Variants in HECTD4 observed in about 807,000 individuals in gnomAD.
HECTD4 encodes the protein probable E3 ubiquitin-protein ligase HECTD4.
A neutral mutation model predicts 471.5 loss-of-function variants in HECTD4; 114 were observed. The ratio of observed to expected loss-of-function variants is 0.24; its 90% CI spans 0.21 to 0.28. The LOEUF (loss-of-function observed/expected upper bound fraction) is 0.28. Ranked by LOEUF, HECTD4 falls within the 10% of genes least tolerant of loss-of-function variation. The pLI is 1.00. For synonymous variants in HECTD4, 2,012 were observed against 2,256.0 expected (o/e 0.89, Z 3.07); for missense variants, 3,866 against 5,651.5 (o/e 0.68, Z 10.13).
chr12:112,381,816 G>T lies in HECTD4; in HGVS notation c.177+136C>A, dbSNP rs1486942619. On this transcript the variant is annotated intron_variant, in intron 1 of 75. Coordinates refer to ENST00000682272, the MANE Select transcript of HECTD4 (RefSeq NM_001388303.1). This position sits in a 1 kb window ranked among gnomAD's most constrained non-coding sequence, Gnocchi z 4.1. Reference sequence around the variant, plus strand: ...CCTGCGGCCGCGGCCCCACCTGCCCGCCCCGCGCCCACACACACCTGCCCC... The same window carrying T: ...CCTGCGGCCGCGGCCCCACCTGCCCTCCCCGCGCCCACACACACCTGCCCC... The T allele has an allele frequency of 2.0e-6, 1 of 495,758 alleles. No homozygotes were observed. The highest frequency in any genetic ancestry group is 3.0e-6 in the Non-Finnish European group (1 of 328,516). 30.7% of individuals were successfully genotyped at this position (495,758 alleles called of 1,614,324 possible). A position where few individuals can be genotyped will look rare whatever the true frequency, so the allele number is the denominator to read the frequency against.
intron 1 of HECTD4, among the ~76,000 whole-genome samples, chr12:112,371,104 C>T (rs141646976): frequency 6.6e-6 from 1 of 152,128 alleles, no homozygotes; most frequent in Non-Finnish European, 1.5e-5. Flanking sequence ...TGACCACCCA[C>T]CCAGCAGCTC....
chr12:112,310,827 C>A (rs1325386587), intron 4 of HECTD4, among the ~76,000 whole-genome samples: 1 of 152,174 alleles, frequency 6.6e-6, no homozygotes, highest in Non-Finnish European at 1.5e-5. Flanking sequence ...GGGTATGGCT[C>A]TGTCGAGGGG....
rs561519289 is a variant in HECTD4, at chr12:112,377,762, T to C, written c.177+4190A>G. Among the ~76,000 whole-genome samples, 11 of 152,172 alleles carry C rather than the reference T, an allele frequency of 7.2e-5. No individual in the cohort carries two copies. The South Asian group carries it at 8.3e-4, about 11-fold the overall frequency. ...GCACATGCCTGTAATCCCAGCTAACTGGAAGGCTGAGGTAGAAGAATTGCT... is the reference window on the plus strand; with the variant it reads ...GCACATGCCTGTAATCCCAGCTAACCGGAAGGCTGAGGTAGAAGAATTGCT... On this transcript the variant is annotated intron_variant, in intron 1 of 75. Transcript: ENST00000682272.
At position 112,176,529 on chromosome 12, in the gene HECTD4, G is replaced by C. The variant is rs1319024708; in HGVS notation, c.11470+67C>G. ...CAGGAAAAGCAGAGGCCTGCTCCTC[G>C]GGGGGTGCCTAGTCTCCAGGATGGA... is the stretch of plus-strand genomic sequence containing the variant. On this transcript the variant is annotated intron_variant, in intron 65 of 75. Coordinates refer to ENST00000682272, the MANE Select transcript of HECTD4 (RefSeq NM_001388303.1). 4 of 1,110,916 alleles carry C rather than the reference G, an allele frequency of 3.6e-6. No individual in the cohort carries two copies. In the African/African-American group the frequency reaches 6.1e-5, roughly 17 times the overall value. 68.8% of individuals were successfully genotyped at this position (1,110,916 alleles called of 1,614,324 possible).
intron 12 of HECTD4, 52 bp downstream of exon 12, chr12:112,270,175 T>C: frequency 6.6e-7 from 1 of 1,512,112 alleles, no homozygotes; most frequent in Non-Finnish European, 9.1e-7. Flanking sequence ...GAAGCCAAGG[T>C]TTGCGTTTCC....
At chr12:112,313,223 A>G (rs1773487197) in intron 3 of HECTD4, 76 bp from the exon 4 acceptor site, 1 of 1,301,124 alleles carries the variant, frequency 7.7e-7, no homozygotes, top group African/African-American at 1.5e-5. Flanking sequence ...GCTACCCCAA[A>G]GAGTAGAAAC....
chr12:112,192,564 T>C lies in HECTD4; in HGVS notation c.9288A>G (p.Lys3096=). ...VVLSTDRVHI[K]LGVSPPPGAV... ...GACAAGCTGCTGGAGACTCACCCAG[T>C]TTGATGTGGACCCTGTCTGTGGAGA... Residue 3096 remains lysine (K), a synonymous_variant, in exon 59 of 76, where the codon AAA becomes AAG. Transcript: ENST00000682272. 6.4e-7 allele frequency: 1 copy of C among 1,561,782 alleles called. No individual in the cohort carries two copies. Among genetic ancestry groups the C allele is most frequent in the Non-Finnish European group, 8.7e-7 (1 of 1,150,608 alleles).
chr12:112,265,969 C>T lies in HECTD4; in HGVS notation c.2407G>A (p.Gly803Arg). ...LVLTEGERNS[G>R]LSQLRDVILT... ...ATCACATCCCGTAGCTGGGAGAGTCCACTGTTTCTCTCTCCTAACACAGAA... is the reference window on the plus strand; with the variant it reads ...ATCACATCCCGTAGCTGGGAGAGTCTACTGTTTCTCTCTCCTAACACAGAA... Residue 803 changes from glycine (G) to arginine (R), a missense_variant, in exon 15 of 76, where the codon GGA becomes AGA. Gly to Arg is a moderately radical substitution (Grantham distance 125). Transcript: ENST00000682272. The T allele has an allele frequency of 6.2e-7, 1 of 1,613,000 alleles. No homozygotes were observed. Among genetic ancestry groups the T allele is most frequent in the South Asian group, 1.1e-5 (1 of 91,042 alleles).
chr12:112,204,644 G>A (rs1441949395), intron 52 of HECTD4, 21 bp from the exon 53 acceptor site: 1 of 1,600,780 alleles, frequency 6.2e-7, no homozygotes, highest in Non-Finnish European at 8.5e-7. Context: ...TAACAGCACA[G>A]GGTAACTCCC....
chr12:112,333,743 T>C (rs1372023878), intron 1 of HECTD4, among the ~76,000 whole-genome samples: 1 of 152,162 alleles, frequency 6.6e-6, no homozygotes, highest in Non-Finnish European at 1.5e-5. Flanking sequence ...AATGTTTAAG[T>C]CCACAAGTTC....
intron 1 of HECTD4, among the ~76,000 whole-genome samples, chr12:112,337,308 G>C (rs547240572): frequency 1.3e-5 from 2 of 152,216 alleles, no homozygotes; most frequent in Non-Finnish European, 2.9e-5. Flanking sequence ...ATCATCAAAT[G>C]ATATACTTGA....
chr12:112,169,559 C>T lies in HECTD4; in HGVS notation c.12152G>A (p.Gly4051Asp). ...GATGTTGAAGGCATATGTGGGGTCACCGCCACTGGCCAGCTTGACGCAGAG... is the reference window on the plus strand; with the variant it reads ...GATGTTGAAGGCATATGTGGGGTCATCGCCACTGGCCAGCTTGACGCAGAG... ...SQLCVKLASGGDPTYAFNIRF... is the reference protein window; with the variant it reads ...SQLCVKLASGDDPTYAFNIRF... The change falls in exon 70 of 76, where the codon GGT becomes GAT. Residue 4051 changes from glycine (G) to aspartate (D), a missense_variant. By Grantham distance (94) the Gly-to-Asp change is moderately conservative (BLOSUM62 -1). This residue lies in a region of HECTD4 where 715 missense variants were observed against 1,087.6 expected (regional missense o/e 0.66). Coordinates refer to ENST00000682272, the MANE Select transcript of HECTD4 (RefSeq NM_001388303.1). The T allele has an allele frequency of 6.2e-7, 1 of 1,613,572 alleles. No individual in the cohort carries two copies. Among genetic ancestry groups the T allele is most frequent in the South Asian group, 1.1e-5 (1 of 91,080 alleles).
rs566274539 is a variant in HECTD4 at position 112,241,695 on chromosome 12, AG to A, written c.4958+1657del. Among the ~76,000 whole-genome samples the A allele has an allele frequency of 1.4e-3, 220 of 152,240 alleles. 2 individuals carry two copies. Among genetic ancestry groups the A allele is most frequent in the African/African-American group, 5.2e-3 (214 of 41,550 alleles). On this transcript the variant is annotated intron_variant, in intron 32 of 75. Coordinates refer to ENST00000682272, the MANE Select transcript of HECTD4 (RefSeq NM_001388303.1). ...GGCTGGTCTTGAACTCCTAGCCTCA[AG>A]TGATCCTCCTGCTTTGGCCTCCTTA...
Position 112,362,921 on chromosome 12 carries a change from C to T in HECTD4, c.177+19031G>A, listed in dbSNP as rs572927818. On this transcript the variant is annotated intron_variant, in intron 1 of 75. Transcript: ENST00000682272. ...TCCACCATGTTTGCCAGGCTGGTCTCGAATTCCCGACCTCATGTGGTCCAA... is the reference window on the plus strand; with the variant it reads ...TCCACCATGTTTGCCAGGCTGGTCTTGAATTCCCGACCTCATGTGGTCCAA... Among the ~76,000 whole-genome samples the T allele has an allele frequency of 6.6e-5, 10 of 152,198 alleles. No homozygotes were observed. In the South Asian group the frequency reaches 1.9e-3, roughly 28 times the overall value.
At chr12:112,357,762 A>G (rs1033361450) in intron 1 of HECTD4, among the ~76,000 whole-genome samples, 1 of 152,216 alleles carries the variant, frequency 6.6e-6, no homozygotes, top group Non-Finnish European at 1.5e-5. Flanking sequence ...TTTATTATAC[A>G]GTATTAGTTT....
chr12:112,364,835 T>TA (rs748995580), intron 1 of HECTD4, among the ~76,000 whole-genome samples: 1 of 152,274 alleles, frequency 6.6e-6, no homozygotes, highest in Non-Finnish European at 1.5e-5. Flanking sequence ...TACCTATTCT[T>TA]ATTTTATTCT....
chr12:112,254,273 G>T, intron 21 of HECTD4, 111 bp from the exon 22 acceptor site: 1 of 1,322,076 alleles, frequency 7.6e-7, no homozygotes, highest in Non-Finnish European at 1.0e-6. Flanking sequence ...ACCAGGCATT[G>T]GTGTCATTAT....
At position 112,239,213 on chromosome 12, in the gene HECTD4, C is replaced by A. The variant is rs777490634; in HGVS notation, c.5129G>T (p.Arg1710Leu). The change falls in exon 34 of 76, where the codon CGC (arginine) becomes CTC (leucine). Residue 1710 changes from arginine to leucine, a missense_variant. Coordinates refer to ENST00000682272, the MANE Select transcript of HECTD4 (RefSeq NM_001388303.1). This position sits in a 1 kb window ranked among gnomAD's most constrained non-coding sequence, Gnocchi z 4.9. ...YTRSEEKCLV[R>L]SGLVQLMDRL... The stretch of plus-strand genomic sequence containing the variant: ...ATCCATGAGCTGCACAAGGCCACTG[C>A]GTACCAGGCACTTCTCTTCGCTCCT... The A allele has an allele frequency of 1.2e-6, 2 of 1,612,100 alleles. No individual in the cohort carries two copies. The highest frequency in any genetic ancestry group is 1.7e-6 in the Non-Finnish European group (2 of 1,179,092).
chr12:112,184,445 G>A lies in HECTD4; in HGVS notation c.10521C>T (p.Leu3507=). The change falls in exon 61 of 76, where the codon CTC becomes CTT. Residue 3507 remains leucine, a synonymous_variant. Transcript: ENST00000682272. The surrounding 1 kb of genome is among the most constrained non-coding windows in gnomAD (Gnocchi z 9.1). The part of the protein sequence containing the change: ...SQGISQTVSD[L]SVDPLPAGLE... Reference sequence around the variant, plus strand: ...GGCCGGCAGGCAGCGGATCCACAGAGAGGTCGCTGACGGTTTGGGAGATGC... The same window carrying A: ...GGCCGGCAGGCAGCGGATCCACAGAAAGGTCGCTGACGGTTTGGGAGATGC... 1 of 1,606,140 alleles carries A rather than the reference G, an allele frequency of 6.2e-7. No individual in the cohort carries two copies. The highest frequency in any genetic ancestry group is 8.5e-7 in the Non-Finnish European group (1 of 1,177,338).
Sources: allele counts gnomAD v4.1 joint callset (sites outside exome capture counted in the v4.1 genomes callset), GRCh38; gene constraint gnomAD v4.1.1; regional missense constraint gnomAD v4.1.1; non-coding constraint Gnocchi (gnomAD v3.1); transcripts MANE v1.5; gene names NCBI Gene and HGNC (gene_info 2026-07-23, HGNC 2026-07-21).